PGS1: variants seen among roughly 807,000 people sequenced by gnomAD.
PGS1 encodes the protein CDP-diacylglycerol--glycerol-3-phosphate 3-phosphatidyltransferase, mitochondrial.
Under a neutral mutation model 58.3 loss-of-function variants are expected in PGS1, and 44 were observed. That is an observed-to-expected ratio of 0.75 (90% confidence interval 0.59 to 0.97). The LOEUF (loss-of-function observed/expected upper bound fraction) is 0.97, where lower values mean the gene tolerates loss of function less well. Among genes scored for constraint, PGS1 ranks in the 50% least tolerant of loss-of-function variants. The pLI, the probability that PGS1 is intolerant of heterozygous loss-of-function variation, is 0.00. For missense variants in PGS1, 684 were observed against 731.1 expected (o/e 0.94, Z 0.74); for synonymous variants, 330 against 311.0 (o/e 1.06, Z -0.64).
chr17:78,387,713 C>A (rs1598252780), intron 1 of PGS1, among the ~76,000 whole-genome samples: 1 of 151,512 alleles, frequency 6.6e-6, no homozygotes, highest in East Asian at 2.0e-4. Flanking sequence ...AGTCTTCCTG[C>A]CTCAGCCTCC....
At chr17:78,378,856 C>G (rs542266103) in intron 1 of PGS1, 48 bp downstream of exon 1, 1 of 1,354,204 alleles carries the variant, frequency 7.4e-7, no homozygotes, top group Admixed American at 4.1e-5. Flanking sequence ...GGCTGCAGCC[C>G]GGCCCCCCGG....
intron 7 of PGS1, among the ~76,000 whole-genome samples, chr17:78,411,296 G>A (rs2084668210): frequency 6.6e-6 from 1 of 152,210 alleles, no homozygotes; most frequent in Admixed American, 6.5e-5. Context: ...ATGGCACGCT[G>A]CCATGGAGGC....
intron 7 of PGS1, among the ~76,000 whole-genome samples, chr17:78,411,330 G>C (rs1451929657): frequency 1.3e-5 from 2 of 152,220 alleles, no homozygotes; most frequent in African/African-American, 4.8e-5. Flanking sequence ...GCCTGGATCA[G>C]CCTTCCGCAG....
At chr17:78,418,160 C>G (rs1038773839) in intron 8 of PGS1, among the ~76,000 whole-genome samples, 1 of 151,888 alleles carries the variant, frequency 6.6e-6, no homozygotes, top group African/African-American at 2.4e-5. Flanking sequence ...GAACTCCTGA[C>G]CTCAAGTGAT....
At chr17:78,398,066 C>T (rs1421841098) in intron 3 of PGS1, 186 bp from the exon 4 acceptor site, 1 of 670,806 alleles carries the variant, frequency 1.5e-6, no homozygotes, top group East Asian at 2.9e-5. Context: ...CTGGGTGCTT[C>T]TTCTGATGAT....
rs553899936 is a variant in PGS1 at position 78,385,015 on chromosome 17, G to A, written c.143+6207G>A. Among the ~76,000 whole-genome samples the A allele has an allele frequency of 1.1e-4, 16 of 152,380 alleles. 1 individual carries two copies. Among genetic ancestry groups the A allele is most frequent in the African/African-American group, 3.8e-4 (16 of 41,594 alleles). ...CGCGCTGAGGAGAAAGGCGAGGGGT[G>A]CCAGTGTTTTCCATGAAGCAGAGCA... On this transcript the variant is annotated intron_variant, in intron 1 of 9. Transcript: ENST00000262764.
chr17:78,422,439 G>A (rs1051669406), intron 9 of PGS1, among the ~76,000 whole-genome samples: 5 of 152,166 alleles, frequency 3.3e-5, no homozygotes, highest in Admixed American at 2.0e-4. Context: ...TTGGAAAAAT[G>A]TTTTTGCAAA....
chr17:78,418,226 G>A lies in PGS1; in HGVS notation c.1552-1320G>A, dbSNP rs574788229. ...ATTACAGGTGTGAGCCACCGCGCCC[G>A]GCCGCATATATAAATGTTTTTAAAC... On this transcript the variant is annotated intron_variant, in intron 8 of 9. Transcript: ENST00000262764. Among the ~76,000 whole-genome samples, 13 of 152,064 alleles carry A rather than the reference G, an allele frequency of 8.5e-5. No homozygotes were observed. In the East Asian group the frequency reaches 2.5e-3, roughly 29 times the overall value.
intron 7 of PGS1, among the ~76,000 whole-genome samples, chr17:78,411,085 G>C (rs2084647959): frequency 6.6e-6 from 1 of 152,228 alleles, no homozygotes; most frequent in South Asian, 2.1e-4. Context: ...GGGCCTCGCT[G>C]AGGAGTAGAC....
chr17:78,423,151 G>A (rs972973714), intron 9 of PGS1, among the ~76,000 whole-genome samples: 10 of 150,282 alleles, frequency 6.7e-5, no homozygotes, highest in South Asian at 2.1e-4. Flanking sequence ...CCTGGGATCC[G>A]TCTTTTCTGA....
At chr17:78,381,810 C>G (rs1008811139) in intron 1 of PGS1, among the ~76,000 whole-genome samples, 3 of 152,186 alleles carry the variant, frequency 2.0e-5, no homozygotes, top group African/African-American at 7.2e-5. Flanking sequence ...AAAATTACTT[C>G]TGTTAATGAT....
rs750287585 is a variant in PGS1, at chr17:78,400,813, G to A, written c.838G>A (p.Asp280Asn). Residue 280 changes from aspartate to asparagine, a missense_variant, in exon 6 of 10, where the codon GAC (aspartate) becomes AAC (asparagine). By Grantham distance (23) the Asp-to-Asn change is conservative (BLOSUM62 1). Coordinates refer to ENST00000262764, the MANE Select transcript of PGS1 (RefSeq NM_024419.5). The surrounding 1 kb of genome is among the most constrained non-coding windows in gnomAD (Gnocchi z 4.4). Reference sequence around the variant, plus strand: ...TGTGTCCCTGCAGCTGCAGGGGGACGACACGGTGCAGGTGGTGGATGGGAT... The same window carrying A: ...TGTGTCCCTGCAGCTGCAGGGGGACAACACGGTGCAGGTGGTGGATGGGAT... ...GDVSLQLQGD[D>N]TVQVVDGMVH... 8 of 1,612,918 alleles carry A rather than the reference G, an allele frequency of 5.0e-6. No homozygotes were observed. Among genetic ancestry groups the A allele is most frequent in the Admixed American group, 1.7e-5 (1 of 59,906 alleles).
chr17:78,406,967 C>T (rs1157959749), intron 7 of PGS1, among the ~76,000 whole-genome samples: 2 of 152,238 alleles, frequency 1.3e-5, no homozygotes, highest in Non-Finnish European at 2.9e-5. Context: ...CCCCAGTTAC[C>T]GCTGAAACAG....
chr17:78,409,809 T>G (rs948010572), intron 7 of PGS1, among the ~76,000 whole-genome samples: 1 of 152,224 alleles, frequency 6.6e-6, no homozygotes, highest in African/African-American at 2.4e-5. Context: ...GTTCATACAC[T>G]TCTGCCTTAG....
At position 78,378,652 on chromosome 17, in the gene PGS1, A is replaced by AGCGGCGAGTCTCCATGGCGGTG; in HGVS notation, c.-7_15dup. ...CGCGCCCGCCGGGAGCGGAAGCGGAAGCGGCGAGTCTCCATGGCGGTGGCG... is the reference window on the plus strand; with the variant it reads ...CGCGCCCGCCGGGAGCGGAAGCGGAAGCGGCGAGTCTCCATGGCGGTGGCGGCGAGTCTCCATGGCGGTGGCG... On this transcript the variant is annotated 5_prime_UTR_variant, in exon 1 of 10. It adds an upstream start codon to the 5' untranslated region. Coordinates refer to ENST00000262764, the MANE Select transcript of PGS1 (RefSeq NM_024419.5). 6.6e-7 allele frequency: 1 copy of AGCGGCGAGTCTCCATGGCGGTG among 1,524,724 alleles called. No individual in the cohort carries two copies. The allele number at this position is 1,524,724 out of a possible 1,614,324, so 94.4% of individuals were successfully genotyped here.
At chr17:78,421,558 A>G (rs1184629656) in intron 9 of PGS1, 1 of 152,298 alleles carries the variant, frequency 6.6e-6, no homozygotes, top group African/African-American at 2.4e-5. Context: ...AGCACATCAC[A>G]TCAGTTAACA....
chr17:78,382,279 A>G (rs1288435790), intron 1 of PGS1, among the ~76,000 whole-genome samples: 1 of 152,214 alleles, frequency 6.6e-6, no homozygotes, highest in Non-Finnish European at 1.5e-5. Flanking sequence ...AGTCTGGGCC[A>G]GAGACCCAGG....
intron 8 of PGS1, among the ~76,000 whole-genome samples, chr17:78,417,548 G>A (rs1186039048): frequency 2.0e-5 from 3 of 152,122 alleles, no homozygotes; most frequent in African/African-American, 7.2e-5. Context: ...TAGGGTTCTG[G>A]AGTGTGGGGT....
intron 7 of PGS1, among the ~76,000 whole-genome samples, chr17:78,411,533 T>C (rs565540883): frequency 6.6e-6 from 1 of 152,320 alleles, no homozygotes; most frequent in Non-Finnish European, 1.5e-5. Context: ...CACCCAGGGC[T>C]GCAGTATTTA....
Sources: gnomAD v4.1 joint callset for allele counts (sites outside exome capture counted in the v4.1 genomes callset) on GRCh38, gnomAD v4.1.1 for gene constraint, Gnocchi (gnomAD v3.1) non-coding constraint, MANE v1.5 for transcripts, NCBI Gene and HGNC (gene_info 2026-07-23, HGNC 2026-07-21) for gene names.